Variants in CPE observed in about 807,000 individuals in gnomAD.
The protein encoded by CPE is carboxypeptidase E, also known as carbocypeptidase E.
Under a neutral mutation model 53.5 loss-of-function variants are expected in CPE, and 17 were observed. That is an observed-to-expected ratio of 0.32 (90% CI 0.22 to 0.48). The LOEUF is 0.48. CPE is among the 20% of genes least tolerant of loss of function. CPE has a pLI of 0.99. For missense variants in CPE, 524 were observed against 614.7 expected (o/e 0.85, Z 1.56); for synonymous variants, 226 against 228.8 (o/e 0.99, Z 0.11).
At chr4:165,422,976 C>CAAAAAAA (rs58058891) in intron 1 of CPE, among the ~76,000 whole-genome samples, 1 of 77,016 alleles carries the variant, frequency 1.3e-5, no homozygotes, top group African/African-American at 4.7e-5. Flanking sequence ...AACTCTGTCT[C>CAAAAAAA]AAAAAAAAAA....
At chr4:165,455,489 C>A (rs868223926) in intron 1 of CPE, among the ~76,000 whole-genome samples, 4 of 152,114 alleles carry the variant, frequency 2.6e-5, no homozygotes, top group Non-Finnish European at 4.4e-5. Context: ...TAGCCGATAA[C>A]TATTATAGCA....
chr4:165,495,732 T>C, intron 8 of CPE, 55 bp downstream of exon 8: 1 of 1,257,814 alleles, frequency 8.0e-7, no homozygotes, highest in Non-Finnish European at 1.1e-6. Context: ...CATTTATCAT[T>C]GTCAGGCATA....
intron 1 of CPE, chr4:165,403,981 T>A: frequency 1.5e-6 from 1 of 669,586 alleles, no homozygotes; most frequent in Admixed American, 2.0e-5. Flanking sequence ...GTTACTCTGA[T>A]AAATCTAGAT....
intron 1 of CPE, among the ~76,000 whole-genome samples, chr4:165,462,069 A>G (rs538736501): frequency 1.1e-4 from 16 of 152,348 alleles, no homozygotes; most frequent in East Asian, 3.9e-4. Context: ...ATACATAGAT[A>G]TATTGGGGGA....
intron 1 of CPE, among the ~76,000 whole-genome samples, chr4:165,448,879 G>T (rs1013123664): frequency 6.6e-6 from 1 of 152,202 alleles, no homozygotes; most frequent in African/African-American, 2.4e-5. Context: ...GATGTTCTTT[G>T]GTTGTGGTGC....
chr4:165,421,645 G>A (rs1731222576), intron 1 of CPE, among the ~76,000 whole-genome samples: 1 of 145,302 alleles, frequency 6.9e-6, no homozygotes, highest in South Asian at 2.2e-4. Context: ...GACAATTGGA[G>A]TTGTAGTTAT....
intron 1 of CPE, among the ~76,000 whole-genome samples, chr4:165,414,152 A>C (rs1164976807): frequency 6.6e-6 from 1 of 152,238 alleles, no homozygotes; most frequent in African/African-American, 2.4e-5. Flanking sequence ...TGTAATTCAT[A>C]TTTTAAGCCT....
intron 1 of CPE, among the ~76,000 whole-genome samples, chr4:165,447,275 A>G (rs1403126996): frequency 6.6e-6 from 1 of 152,190 alleles, no homozygotes; most frequent in African/African-American, 2.4e-5. Context: ...AAATTTATTA[A>G]GAAATATTTT....
At chr4:165,463,083 A>G (rs1304304957) in intron 1 of CPE, among the ~76,000 whole-genome samples, 1 of 152,190 alleles carries the variant, frequency 6.6e-6, no homozygotes, top group African/African-American at 2.4e-5. Flanking sequence ...ACGTTCTGCA[A>G]TTTCATTACT....
chr4:165,467,984 A>C, intron 3 of CPE, 129 bp downstream of exon 3: 1 of 1,053,570 alleles, frequency 9.5e-7, no homozygotes. Context: ...TGTGGCTTTA[A>C]GTCAAGGCTG....
At chr4:165,404,283 C>A (rs1280207812) in intron 1 of CPE, 5 of 769,780 alleles carry the variant, frequency 6.5e-6, no homozygotes, top group Non-Finnish European at 9.7e-6. Flanking sequence ...GCCAAGATCC[C>A]CTCTTGCGGG....
chr4:165,443,835 G>A (rs1334652145), intron 1 of CPE, among the ~76,000 whole-genome samples: 1 of 152,140 alleles, frequency 6.6e-6, no homozygotes, highest in Non-Finnish European at 1.5e-5. Context: ...GAGGGGAAGG[G>A]CCTTTGGGAG....
At chr4:165,418,179 T>G (rs1049090591) in intron 1 of CPE, 3 of 152,342 alleles carry the variant, frequency 2.0e-5, no homozygotes, top group Middle Eastern at 3.4e-3. Context: ...TCTGTGTGAA[T>G]GAGTACAGCC....
intron 1 of CPE, among the ~76,000 whole-genome samples, chr4:165,441,356 T>A (rs1246439012): frequency 6.6e-6 from 1 of 152,298 alleles, no homozygotes; most frequent in Admixed American, 6.5e-5. Context: ...TAGCACTTGG[T>A]GGACCTTGGC....
chr4:165,481,102 T>C (rs1732404038), intron 3 of CPE, among the ~76,000 whole-genome samples: 1 of 151,304 alleles, frequency 6.6e-6, no homozygotes, highest in Non-Finnish European at 1.5e-5. Flanking sequence ...ATCACACTTT[T>C]CCACAGTTAA....
chr4:165,398,919 A>G (rs1025589622), intron 1 of CPE, among the ~76,000 whole-genome samples: 4 of 152,214 alleles, frequency 2.6e-5, no homozygotes, highest in African/African-American at 7.2e-5. Flanking sequence ...TTTTGCAGGC[A>G]TTAGTTGGTT....
intron 3 of CPE, among the ~76,000 whole-genome samples, chr4:165,470,987 G>A (rs58157341): frequency 0.092 from 13,944 of 152,116 alleles, 800 homozygotes; most frequent in East Asian, 0.24. Flanking sequence ...GGTGACTCTT[G>A]AATACTGACA....
At chr4:165,405,657 GATTGTCC>G (rs1161077712) in intron 1 of CPE, 1 of 778,114 alleles carries the variant, frequency 1.3e-6, no homozygotes, top group Non-Finnish European at 2.4e-6. Flanking sequence ...CTAGGTATTT[GATTGTCC>G]ATTCCTCTGG....
intron 1 of CPE, among the ~76,000 whole-genome samples, chr4:165,420,442 T>C (rs575165345): frequency 6.6e-6 from 1 of 152,270 alleles, no homozygotes; most frequent in South Asian, 2.1e-4. Flanking sequence ...ACTATTTATT[T>C]TTCATATAAA....
Sources: allele counts gnomAD v4.1 joint callset (sites outside exome capture counted in the v4.1 genomes callset), GRCh38; gene constraint gnomAD v4.1.1; transcripts MANE v1.5; gene names NCBI Gene and HGNC (gene_info 2026-07-23, HGNC 2026-07-21).